The following ADCY7 variants were observed in gnomAD, a reference collection of about 807,000 sequenced individuals.
ADCY7 encodes the protein adenylate cyclase 7.
Under a neutral mutation model 120.6 loss-of-function variants are expected in ADCY7, and 72 were observed. The ratio of observed to expected loss-of-function variants is 0.60; its 90% CI spans 0.49 to 0.73. ADCY7 has a LOEUF of 0.73. Among genes scored for constraint, ADCY7 ranks in the 30% least tolerant of loss-of-function variants. The probability of loss-of-function intolerance (pLI) is 0.00; values close to 1 mark genes in which losing one functional copy is unlikely to be tolerated. For synonymous variants in ADCY7, 661 were observed against 628.0 expected (o/e 1.05, Z -0.78); for missense variants, 1,227 against 1,486.0 (o/e 0.83, Z 2.87).
rs369853679 is a variant in ADCY7, at chr16:50,298,884, G to A, written c.949-20G>A. On this transcript the variant is annotated intron_variant, in intron 7 of 25. Transcript: ENST00000673801. ...CAGCCCCACATCTTCCAGTGACCAGGCCCTTCCCTCACCCTGCAGGCCAAC... is the reference window on the plus strand; with the variant it reads ...CAGCCCCACATCTTCCAGTGACCAGACCCTTCCCTCACCCTGCAGGCCAAC... The A allele has an allele frequency of 2.2e-5, 36 of 1,609,680 alleles. No individual in the cohort carries two copies. The East Asian group carries it at 6.5e-4, about 29-fold the overall frequency.
Position 50,308,369 on chromosome 16 carries a change from A to C in ADCY7, c.1893A>C (p.Val631=). 1 of 1,613,938 alleles carries C rather than the reference A, an allele frequency of 6.2e-7. No individual in the cohort carries two copies. The highest frequency in any genetic ancestry group is 8.5e-7 in the Non-Finnish European group (1 of 1,179,968). The change falls in exon 16 of 26, where the codon GTA becomes GTC. Residue 631 remains valine (V), a synonymous_variant. Transcript: ENST00000673801. Reference sequence around the variant, plus strand: ...TGTCCTTCGGGCTGGTGGCCTGTGTACTGGGGCTGGTGCTGGGCCTGTGCT... The same window carrying C: ...TGTCCTTCGGGCTGGTGGCCTGTGTCCTGGGGCTGGTGCTGGGCCTGTGCT... ...LGVSFGLVAC[V]LGLVLGLCFA... is the part of the protein sequence containing the mutation.
At position 50,301,084 on chromosome 16, in the gene ADCY7, G is replaced by T. The variant is rs1044887733; in HGVS notation, c.1238G>T (p.Arg413Leu). The T allele has an allele frequency of 3.7e-6, 6 of 1,613,308 alleles. No homozygotes were observed. The highest frequency in any genetic ancestry group is 2.7e-5 in the African/African-American group (2 of 74,892). Residue 413 changes from arginine to leucine, a missense_variant and splice_region_variant, in exon 10 of 26, where the codon CGG becomes CTG. Arg to Leu is a moderately radical substitution (Grantham distance 102). This residue lies in a region of ADCY7 where 332 missense variants were observed against 455.8 expected (regional missense o/e 0.73). Transcript: ENST00000673801. Reference protein sequence around the residue: ...NRMEAAGVPGRVHITEATLKH... With the variant: ...NRMEAAGVPGLVHITEATLKH... ...TGCCTGACTTGGGTCTCCCGTAGCC[G>T]GGTGCACATCACGGAGGCCACGCTA... is the stretch of plus-strand genomic sequence containing the variant.
intron 23 of ADCY7, 62 bp from the exon 24 acceptor site, chr16:50,314,230 A>AG (rs2036655178): frequency 1.3e-6 from 2 of 1,525,534 alleles, no homozygotes; most frequent in Non-Finnish European, 1.8e-6. Flanking sequence ...GTGGCGCGCC[A>AG]GGGCCCACTA....
chr16:50,307,082 C>T lies in ADCY7; in HGVS notation c.1785C>T (p.His595=), dbSNP rs143098353. The change falls in exon 15 of 26, where the codon CAC becomes CAT. Residue 595 remains histidine (H), a synonymous_variant. Coordinates refer to ENST00000673801, the MANE Select transcript of ADCY7 (RefSeq NM_001114.5). ...TGGCACCCATCCCCCGGGCCCGCCA[C>T]GACTTTGCCTGCGCCAGCCTGATCT... ...YRLAPIPRAR[H]DFACASLIFV... The T allele has an allele frequency of 3.6e-4, 577 of 1,611,192 alleles. 2 individuals carry two copies. Among genetic ancestry groups the T allele is most frequent in the Non-Finnish European group, 3.4e-4 (406 of 1,179,974 alleles).
Position 50,312,923 on chromosome 16 carries a change from G to A in ADCY7, c.2638G>A (p.Val880Ile), listed in dbSNP as rs1176059635. 2 of 1,614,098 alleles carry A rather than the reference G, an allele frequency of 1.2e-6. No individual in the cohort carries two copies. Among genetic ancestry groups the A allele is most frequent in the Non-Finnish European group, 1.7e-6 (2 of 1,180,030 alleles). ...WYHQSYDCVC[V>I]MFASVPDFKV... is the part of the protein sequence containing the mutation. ...CCATCAGTCCTATGACTGCGTCTGT[G>A]TCATGTTTGCCTCCGTGCCGGACTT... Residue 880 changes from valine to isoleucine, a missense_variant, in exon 22 of 26, where the codon GTC becomes ATC. Val to Ile is a conservative substitution (Grantham distance 29). Coordinates refer to ENST00000673801, the MANE Select transcript of ADCY7 (RefSeq NM_001114.5).
At chr16:50,281,862 C>T (rs1195985158) in intron 1 of ADCY7, among the ~76,000 whole-genome samples, 9 of 152,190 alleles carry the variant, frequency 5.9e-5, no homozygotes, top group Non-Finnish European at 1.2e-4. Context: ...CTCAGGGTCT[C>T]TTGAGAGAGT....
intron 10 of ADCY7, among the ~76,000 whole-genome samples, chr16:50,303,603 G>A (rs980085486): frequency 6.6e-6 from 1 of 152,058 alleles, no homozygotes; most frequent in Non-Finnish European, 1.5e-5. Flanking sequence ...TGTGTTCTTG[G>A]ATCGGGGTGG....
chr16:50,311,818 G>T (rs200162680), intron 20 of ADCY7, 32 bp downstream of exon 20: 6 of 1,222,348 alleles, frequency 4.9e-6, no homozygotes, highest in Non-Finnish European at 6.8e-6. Flanking sequence ...CCCCCCCCAA[G>T]CTCTGCCCAC....
At position 50,272,010 on chromosome 16, in the gene ADCY7, G is replaced by C. The variant is rs78499992; in HGVS notation, c.-269+5330G>C. ...CACTGGAAGGGTGAACCCACGACTGGGCCTGAGGGAAAGGGAAGCCAAGGG... is the reference window on the plus strand; with the variant it reads ...CACTGGAAGGGTGAACCCACGACTGCGCCTGAGGGAAAGGGAAGCCAAGGG... On this transcript the variant is annotated intron_variant, in intron 1 of 25. Transcript: ENST00000673801. Among the ~76,000 whole-genome samples the C allele has an allele frequency of 7.5e-3, 1,147 of 152,284 alleles. 14 individuals carry two copies. Among genetic ancestry groups the C allele is most frequent in the African/African-American group, 0.026 (1,065 of 41,552 alleles).
chr16:50,309,414 G>A lies in ADCY7; in HGVS notation c.2062-134G>A, dbSNP rs1044758186. On this transcript the variant is annotated intron_variant, in intron 17 of 25. Coordinates refer to ENST00000673801, the MANE Select transcript of ADCY7 (RefSeq NM_001114.5). ...GGGAGTCGGCACGGCGGCTTGAGCC[G>A]TGCTCAGAGCTGATCCCAACGTGAA... 2.2e-5 allele frequency: 15 copies of A among 678,098 alleles called. No homozygotes were observed. The Admixed American group carries it at 2.8e-4, about 13-fold the overall frequency. 42.0% of individuals were successfully genotyped at this position (678,098 alleles called of 1,614,324 possible). A position where few individuals can be genotyped will look rare whatever the true frequency, so the allele number is the denominator to read the frequency against.
Position 50,307,136 on chromosome 16 carries a change from G to T in ADCY7, c.1839G>T (p.Leu613=), listed in dbSNP as rs1387611192. The T allele has an allele frequency of 1.9e-6, 3 of 1,611,738 alleles. No individual in the cohort carries two copies. The highest frequency in any genetic ancestry group is 2.7e-5 in the African/African-American group (2 of 74,898). The change falls in exon 15 of 26, where the codon CTG becomes CTT. Residue 613 remains leucine (L), a synonymous_variant. Transcript: ENST00000673801. ...TCTGCATCCTGCTCGTCCATGTCCT[G>T]CTCATGCCCAGGTCAGTTGCAGGGA... ...IFVCILLVHV[L]LMPRTAALGV...
intron 8 of ADCY7, among the ~76,000 whole-genome samples, chr16:50,299,781 C>T (rs1192603585): frequency 3.3e-5 from 5 of 152,232 alleles, no homozygotes; most frequent in Admixed American, 2.0e-4. Context: ...TACAGGCCCT[C>T]GTGCACCTCT....
intron 1 of ADCY7, among the ~76,000 whole-genome samples, chr16:50,274,497 C>A (rs993641402): frequency 6.6e-6 from 1 of 152,084 alleles, no homozygotes; most frequent in African/African-American, 2.4e-5. Context: ...CTCTTCCGGG[C>A]TCTTGGCGCG....
At chr16:50,304,806 C>G in intron 11 of ADCY7, 119 bp from the exon 12 acceptor site, 2 of 1,399,476 alleles carry the variant, frequency 1.4e-6, no homozygotes, top group East Asian at 2.3e-5. Context: ...GTGGCTTGGA[C>G]GACCCCGACA....
At chr16:50,251,522 G>T (rs1044408748) in intron 1 of ADCY7, among the ~76,000 whole-genome samples, 1 of 152,240 alleles carries the variant, frequency 6.6e-6, no homozygotes, top group East Asian at 1.9e-4. Flanking sequence ...GGCCAGGGCC[G>T]TGGGAGGAGG....
At chr16:50,293,009 C>G (rs921722742) in intron 5 of ADCY7, among the ~76,000 whole-genome samples, 184 bp downstream of exon 5, 2 of 152,164 alleles carry the variant, frequency 1.3e-5, no homozygotes, top group African/African-American at 4.8e-5. Flanking sequence ...ACTCTGCCTT[C>G]CTCTGTGTGG....
chr16:50,309,643 C>G lies in ADCY7; in HGVS notation c.2157C>G (p.Leu719=). The G allele has an allele frequency of 6.2e-7, 1 of 1,609,184 alleles. No homozygotes were observed. Among genetic ancestry groups the G allele is most frequent in the South Asian group, 1.1e-5 (1 of 91,060 alleles). ...SSKTRALCEP[L]PYYTCSCVLG... The stretch of plus-strand genomic sequence containing the variant: ...AGACAAGAGCCCTGTGTGAGCCCCT[C>G]CCGGTGAGTGCGCCGGGCCCGGCTC... Residue 719 remains leucine, a synonymous_variant, in exon 18 of 26, where the codon CTC becomes CTG. Transcript: ENST00000673801.
intron 1 of ADCY7, among the ~76,000 whole-genome samples, chr16:50,249,920 TAAC>T (rs139539594): frequency 0.095 from 14,533 of 152,180 alleles, 1,188 homozygotes; most frequent in African/African-American, 0.23. Flanking sequence ...CCTGTTCAGT[TAAC>T]AACAAAGGTC....
At position 50,303,840 on chromosome 16, in the gene ADCY7, C is replaced by T. The variant is rs978243683; in HGVS notation, c.1369-520C>T. Among the ~76,000 whole-genome samples the T allele has an allele frequency of 3.3e-5, 5 of 152,302 alleles. 1 individual carries two copies. In the South Asian group the frequency reaches 1.0e-3, roughly 32 times the overall value. ...CCATTTCTCGGGGCGGCTAGCACCC[C>T]TCTTCCTCCTGGCTGCTTCTCACAG... On this transcript the variant is annotated intron_variant, in intron 10 of 25. Transcript: ENST00000673801.
Sources: gnomAD v4.1 joint callset for allele counts (sites outside exome capture counted in the v4.1 genomes callset) on GRCh38, gnomAD v4.1.1 for gene constraint, gnomAD v4.1.1 regional missense constraint, MANE v1.5 for transcripts, NCBI Gene and HGNC (gene_info 2026-07-23, HGNC 2026-07-21) for gene names.